Variants in NCAN observed in about 807,000 individuals in gnomAD.
The protein encoded by NCAN is neurocan core protein.
In NCAN, 47 loss-of-function variants were observed where a neutral mutation model predicts 121.8. The observed-to-expected ratio is 0.39, with a 90% CI of 0.31 to 0.49. The LOEUF is 0.49. NCAN is among the 20% of genes least tolerant of loss of function. The probability of loss-of-function intolerance (pLI) is 0.92; values close to 1 mark genes in which losing one functional copy is unlikely to be tolerated. For synonymous variants in NCAN, 633 were observed against 702.0 expected, an observed-to-expected ratio of 0.90 and a Z score of 1.55; for missense variants, 1,517 against 1,773.4, an observed-to-expected ratio of 0.86 and a Z score of 2.60.
rs769754472 is a variant in NCAN at position 19,226,493 on chromosome 19, C to A, written c.1080C>A (p.His360Gln). 1.8e-5 allele frequency: 29 copies of A among 1,584,884 alleles called. No homozygotes were observed. The highest frequency in any genetic ancestry group is 2.5e-5 in the Non-Finnish European group (29 of 1,161,570). Residue 360 changes from histidine (H) to glutamine (Q), a missense_variant, in exon 7 of 15, where the codon CAC (histidine) becomes CAA (glutamine). Coordinates refer to ENST00000252575, the MANE Select transcript of NCAN (RefSeq NM_004386.3). ...TTCTGCTTTCTCCCACAGCTCATCA[C>A]CCCACGTCACAACATGGAGACCTAG... is the stretch of plus-strand genomic sequence containing the variant. ...RFDAYCFRAHHPTSQHGDLET... is the reference protein window; with the variant it reads ...RFDAYCFRAHQPTSQHGDLET...
At chr19:19,222,646 T>C (rs1052888502) in intron 3 of NCAN, among the ~76,000 whole-genome samples, 1 of 152,192 alleles carries the variant, frequency 6.6e-6, no homozygotes, top group Non-Finnish European at 1.5e-5. Context: ...GAGCTCTCAG[T>C]TGGATAAGCC....
Position 19,227,540 on chromosome 19 carries a change from A to C in NCAN, c.1920A>C (p.Lys640Asn). The C allele has an allele frequency of 6.2e-7, 1 of 1,613,876 alleles. No individual in the cohort carries two copies. The highest frequency in any genetic ancestry group is 8.5e-7 in the Non-Finnish European group (1 of 1,179,992). The change falls in exon 8 of 15, where the codon AAA (lysine) becomes AAC (asparagine). Residue 640 changes from lysine (K) to asparagine (N), a missense_variant. Transcript: ENST00000252575. This position sits in a 1 kb window ranked among gnomAD's most constrained non-coding sequence, Gnocchi z 4.2. ...LPMMAMLRGP[K>N]EWMLPHPTPI... ...TGATGGCCATGCTGCGTGGTCCCAA[A>C]GAGTGGATGCTACCACACCCCACCC...
rs149846591 is a variant in NCAN, at chr19:19,250,470, AAC to A, written c.*565_*566del. 3,543 of 316,536 alleles carry A rather than the reference AAC, an allele frequency of 0.011. 132 individuals are homozygous for A. The highest frequency in any genetic ancestry group is 0.08 in the East Asian group (957 of 11,956). The allele number at this position is 316,536 out of a possible 1,614,324, so 19.6% of individuals were successfully genotyped here. On this transcript the variant is annotated 3_prime_UTR_variant, in exon 15 of 15. Coordinates refer to ENST00000252575, the MANE Select transcript of NCAN (RefSeq NM_004386.3). ...GTTCCGTCTTTGGTCTTGGTGGATA[AAC>A]ACACAGTGTGGAGATCCCACGTACT...
chr19:19,212,746 C>T lies in NCAN; in HGVS notation c.-8+682C>T, dbSNP rs1004431817. 6.6e-6 allele frequency among the ~76,000 whole-genome samples: 1 copy of T among 152,168 alleles called. No homozygotes were observed. Among genetic ancestry groups the T allele is most frequent in the African/African-American group, 2.4e-5 (1 of 41,438 alleles). ...CTTGGGTTGAGGTGTTGTCCCTTAT[C>T]CCAGGGAACACACTGGGTGTCCCAG... On this transcript the variant is annotated intron_variant, in intron 1 of 14. Coordinates refer to ENST00000252575, the MANE Select transcript of NCAN (RefSeq NM_004386.3). This position sits in a 1 kb window ranked among gnomAD's most constrained non-coding sequence, Gnocchi z 4.5.
At position 19,248,744 on chromosome 19, in the gene NCAN, G is replaced by A. The variant is rs755052570; in HGVS notation, c.3682G>A (p.Gly1228Ser). The A allele has an allele frequency of 2.1e-5, 34 of 1,614,000 alleles. No individual in the cohort carries two copies. The highest frequency in any genetic ancestry group is 4.0e-5 in the African/African-American group (3 of 74,908). ...GGCAGTGGAGAATGCCTCACTCATC[G>A]GTGCCCGCAAGGCCAAGTACAATGT... ...PPAVENASLI[G>S]ARKAKYNVHA... The change falls in exon 14 of 15, where the codon GGT becomes AGT. Residue 1228 changes from glycine (G) to serine (S), a missense_variant. Physicochemically the swap from Gly to Ser is moderately conservative, Grantham distance 56. Transcript: ENST00000252575.
At position 19,248,777 on chromosome 19, in the gene NCAN, A is replaced by C. The variant is rs1209194408; in HGVS notation, c.3715A>C (p.Thr1239Pro). 2 of 1,614,222 alleles carry C rather than the reference A, an allele frequency of 1.2e-6. No homozygotes were observed. Among genetic ancestry groups the C allele is most frequent in the Non-Finnish European group, 1.7e-6 (2 of 1,180,040 alleles). The change falls in exon 14 of 15, where the codon ACT becomes CCT. Residue 1239 changes from threonine (T) to proline (P), a missense_variant. Thr to Pro is a conservative substitution (Grantham distance 38). Coordinates refer to ENST00000252575, the MANE Select transcript of NCAN (RefSeq NM_004386.3). ...CAAGGCCAAGTACAATGTCCATGCC[A>C]CTGTAAGGTACCAGTGCAATGAAGG... Reference protein sequence around the residue: ...ARKAKYNVHATVRYQCNEGFA... With the variant: ...ARKAKYNVHAPVRYQCNEGFA...
At position 19,238,325 on chromosome 19, in the gene NCAN, C is replaced by A. The variant is rs774156492; in HGVS notation, c.3323C>A (p.Ala1108Glu). 1 of 1,614,192 alleles carries A rather than the reference C, an allele frequency of 6.2e-7. No homozygotes were observed. The highest frequency in any genetic ancestry group is 1.7e-5 in the Admixed American group (1 of 60,030). Residue 1108 changes from alanine (A) to glutamate (E), a missense_variant, in exon 11 of 15, where the codon GCA becomes GAA. Ala to Glu is a moderately radical substitution (Grantham distance 107). Transcript: ENST00000252575. ...TACCGCTATTTTGCCCACCGGAGGG[C>A]ATGGGAAGATGCCGAGAAGGACTGC... is the stretch of plus-strand genomic sequence containing the variant. The part of the protein sequence containing the change: ...HCYRYFAHRR[A>E]WEDAEKDCRR...
At chr19:19,240,724 C>G in intron 12 of NCAN, 39 bp downstream of exon 12, 1 of 1,595,440 alleles carries the variant, frequency 6.3e-7, no homozygotes, top group Non-Finnish European at 8.6e-7. Context: ...TGCTGAGCCA[C>G]ATCAGCCCTG....
chr19:19,225,030 G>T lies in NCAN; in HGVS notation c.832G>T (p.Ala278Ser), dbSNP rs1293012541. Residue 278 changes from alanine (A) to serine (S), a missense_variant, in exon 6 of 15, where the codon GCA (alanine) becomes TCA (serine). By Grantham distance (99) the Ala-to-Ser change is moderately conservative (BLOSUM62 1). Coordinates refer to ENST00000252575, the MANE Select transcript of NCAN (RefSeq NM_004386.3). The surrounding 1 kb of genome is among the most constrained non-coding windows in gnomAD (Gnocchi z 4.0). ...CCGCCTGACACTGGCCGGCGCGCGT[G>T]CACAGTGCCGCCGCCAGGGTGCCGC... is the stretch of plus-strand genomic sequence containing the variant. ...ARRLTLAGAR[A>S]QCRRQGAALA... 2 of 1,498,940 alleles carry T rather than the reference G, an allele frequency of 1.3e-6. No individual in the cohort carries two copies. Among genetic ancestry groups the T allele is most frequent in the Non-Finnish European group, 1.8e-6 (2 of 1,131,988 alleles). 92.9% of individuals were successfully genotyped at this position (1,498,940 alleles called of 1,614,324 possible). A position where few individuals can be genotyped will look rare whatever the true frequency, so the allele number is the denominator to read the frequency against.
At chr19:19,223,566 G>A (rs2060824397) in intron 3 of NCAN, among the ~76,000 whole-genome samples, 2 of 152,042 alleles carry the variant, frequency 1.3e-5, no homozygotes, top group South Asian at 4.2e-4. Flanking sequence ...TCTGCCTCCT[G>A]GGTTCAAGCG....
chr19:19,226,900 C>G lies in NCAN; in HGVS notation c.1487C>G (p.Pro496Arg). The G allele has an allele frequency of 6.2e-7, 1 of 1,607,910 alleles. No homozygotes were observed. Among genetic ancestry groups the G allele is most frequent in the Non-Finnish European group, 8.5e-7 (1 of 1,176,608 alleles). Residue 496 changes from proline to arginine, a missense_variant, in exon 7 of 15, where the codon CCG becomes CGG. By Grantham distance (103) the Pro-to-Arg change is moderately radical. Coordinates refer to ENST00000252575, the MANE Select transcript of NCAN (RefSeq NM_004386.3). ...LNGRYFQQQEPEPGLQGGMEA... is the reference protein window; with the variant it reads ...LNGRYFQQQEREPGLQGGMEA... ...GGGCGCTACTTCCAGCAGCAGGAAC[C>G]GGAGCCGGGGCTGCAAGGGGGGATG...
At position 19,226,734 on chromosome 19, in the gene NCAN, T is replaced by C. The variant is rs2060838518; in HGVS notation, c.1321T>C (p.Trp441Arg). Residue 441 changes from tryptophan (W) to arginine (R), a missense_variant, in exon 7 of 15, where the codon TGG becomes CGG. Transcript: ENST00000252575. ...CCCTGGGGACCCCATGCTGGCCTCA[T>C]GGCCCACTGGGGAAGTGTGGCTAAG... ...PTPGDPMLAS[W>R]PTGEVWLSTV... 2 of 1,612,830 alleles carry C rather than the reference T, an allele frequency of 1.2e-6. No individual in the cohort carries two copies. Among genetic ancestry groups the C allele is most frequent in the South Asian group, 1.1e-5 (1 of 91,072 alleles).
At chr19:19,213,831 T>C (rs2060785519) in intron 1 of NCAN, among the ~76,000 whole-genome samples, 1 of 152,134 alleles carries the variant, frequency 6.6e-6, no homozygotes, top group Non-Finnish European at 1.5e-5. Flanking sequence ...GGATGATGAC[T>C]GAGCCCATCT....
rs1272203828 is a variant in NCAN at position 19,219,280 on chromosome 19, G to A, written c.439G>A (p.Glu147Lys). The A allele has an allele frequency of 1.7e-5, 27 of 1,581,026 alleles. No individual in the cohort carries two copies. The highest frequency in any genetic ancestry group is 5.3e-5 in the Admixed American group (3 of 56,982). ...CCGCTGCCAGGTGGTGAGGGGCATCGAGGATGAGCAGGACCTGGTGCCCTT... is the reference window on the plus strand; with the variant it reads ...CCGCTGCCAGGTGGTGAGGGGCATCAAGGATGAGCAGGACCTGGTGCCCTT... ...LYRCQVVRGIEDEQDLVPLEV... is the reference protein window; with the variant it reads ...LYRCQVVRGIKDEQDLVPLEV... Residue 147 changes from glutamate to lysine, a missense_variant, in exon 3 of 15, where the codon GAG becomes AAG. Transcript: ENST00000252575.
chr19:19,228,065 G>T lies in NCAN; in HGVS notation c.2445G>T (p.Glu815Asp). 2 of 1,613,576 alleles carry T rather than the reference G, an allele frequency of 1.2e-6. No homozygotes were observed. Among genetic ancestry groups the T allele is most frequent in the Non-Finnish European group, 1.7e-6 (2 of 1,180,036 alleles). The change falls in exon 8 of 15, where the codon GAG becomes GAT. Residue 815 changes from glutamate to aspartate, a missense_variant. Physicochemically the swap from Glu to Asp is conservative, Grantham distance 45 (BLOSUM62 2). Transcript: ENST00000252575. ...TACCCAAAGTCACCCCAAATTTGGA[G>T]CCTTGGGTTGCTACAGATGAAGGAC... ...FLVPKVTPNLEPWVATDEGPT... is the reference protein window; with the variant it reads ...FLVPKVTPNLDPWVATDEGPT...
In NCAN at chr19:19,215,477, T is replaced by C. The variant is rs1483601322; in HGVS notation, c.-7-1470T>C. On this transcript the variant is annotated intron_variant, in intron 1 of 14. Coordinates refer to ENST00000252575, the MANE Select transcript of NCAN (RefSeq NM_004386.3). ...CGACTGGCATGGGCTTTGCTCACAGTAGGCGCTTAATAATTGTCCACTTTA... is the reference window on the plus strand; with the variant it reads ...CGACTGGCATGGGCTTTGCTCACAGCAGGCGCTTAATAATTGTCCACTTTA... Among the ~76,000 whole-genome samples the C allele has an allele frequency of 5.9e-5, 9 of 152,164 alleles. 1 individual carries two copies. The highest frequency in any genetic ancestry group is 5.9e-4 in the Admixed American group (9 of 15,284).
intron 3 of NCAN, among the ~76,000 whole-genome samples, chr19:19,220,669 G>A (rs1459519763): frequency 6.6e-6 from 1 of 152,022 alleles, no homozygotes; most frequent in Non-Finnish European, 1.5e-5. Context: ...GTGTTAGCCA[G>A]GATGGTCTTG....
At position 19,226,520 on chromosome 19, in the gene NCAN, G is replaced by A. The variant is rs761047310; in HGVS notation, c.1107G>A (p.Glu369=). ...HHPTSQHGDL[E]TPSSGDEGEI... is the part of the protein sequence containing the mutation. ...CCACGTCACAACATGGAGACCTAGA[G>A]ACCCCATCCTCTGGGGATGAGGGGG... The change falls in exon 7 of 15, where the codon GAG becomes GAA. Residue 369 remains glutamate, a synonymous_variant. Transcript: ENST00000252575. The A allele has an allele frequency of 6.2e-7, 1 of 1,607,892 alleles. No homozygotes were observed. The highest frequency in any genetic ancestry group is 8.5e-7 in the Non-Finnish European group (1 of 1,175,210).
At chr19:19,216,698 T>G (rs2060797390) in intron 1 of NCAN, among the ~76,000 whole-genome samples, 1 of 152,194 alleles carries the variant, frequency 6.6e-6, no homozygotes, top group South Asian at 2.1e-4. Flanking sequence ...CACCTCAGCC[T>G]CCCAAAGTGC....
Sources: gnomAD v4.1 joint callset for allele counts (sites outside exome capture counted in the v4.1 genomes callset) on GRCh38, gnomAD v4.1.1 for gene constraint, Gnocchi (gnomAD v3.1) non-coding constraint, MANE v1.5 for transcripts, NCBI Gene and HGNC (gene_info 2026-07-23, HGNC 2026-07-21) for gene names.